CLEC16A: variants seen among roughly 807,000 people sequenced by gnomAD.
CLEC16A encodes protein CLEC16A.
CLEC16A carries 51 observed loss-of-function variants against 109.5 expected under a neutral mutation model. That is an observed-to-expected ratio of 0.47 (90% CI 0.37 to 0.59). The LOEUF is 0.59. CLEC16A is among the 20% of genes least tolerant of loss of function. The probability of loss-of-function intolerance (pLI) is 0.00; values close to 1 mark genes in which losing one functional copy is unlikely to be tolerated. For synonymous variants in CLEC16A, 673 were observed against 564.2 expected, an observed-to-expected ratio of 1.19 and a Z score of -2.73; for missense variants, 1,339 against 1,394.0, an observed-to-expected ratio of 0.96 and a Z score of 0.63.
intron 18 of CLEC16A, among the ~76,000 whole-genome samples, chr16:11,055,234 C>A (rs769227540): frequency 6.6e-6 from 1 of 152,176 alleles, no homozygotes; most frequent in Non-Finnish European, 1.5e-5. Flanking sequence ...TGGGTATCAA[C>A]TCACAGTCAG....
intron 22 of CLEC16A, among the ~76,000 whole-genome samples, chr16:11,162,735 C>G (rs8063318): frequency 0.66 from 100,092 of 152,138 alleles, 33,894 homozygotes; most frequent in African/African-American, 0.81. Flanking sequence ...ATTTCATCAT[C>G]TAGAGGGATT....
intron 19 of CLEC16A, among the ~76,000 whole-genome samples, chr16:11,096,874 AG>A (rs1159752519): frequency 1.7e-4 from 26 of 152,234 alleles, no homozygotes; most frequent in African/African-American, 6.0e-4. Context: ...TTCAATACAA[AG>A]GGAGGGACAT....
chr16:11,112,809 A>C (rs1003899171), intron 19 of CLEC16A, among the ~76,000 whole-genome samples: 1 of 152,234 alleles, frequency 6.6e-6, no homozygotes, highest in Non-Finnish European at 1.5e-5. Flanking sequence ...GAGGCATGCC[A>C]TACCTTCAGG....
At chr16:11,019,852 T>G (rs901629640) in intron 11 of CLEC16A, among the ~76,000 whole-genome samples, 4 of 152,224 alleles carry the variant, frequency 2.6e-5, no homozygotes, top group African/African-American at 7.2e-5. Flanking sequence ...ATGTCATATC[T>G]TCTCAGCTGC....
chr16:11,058,992 T>C (rs1410794204), intron 18 of CLEC16A, among the ~76,000 whole-genome samples: 1 of 152,234 alleles, frequency 6.6e-6, no homozygotes, highest in Admixed American at 6.5e-5. Context: ...TTGGGCTTTC[T>C]GTACTTGGAC....
chr16:11,007,874 A>G (rs1180351885), intron 11 of CLEC16A, among the ~76,000 whole-genome samples: 1 of 152,172 alleles, frequency 6.6e-6, no homozygotes, highest in Non-Finnish European at 1.5e-5. Context: ...CAGGCGCTGC[A>G]GTAGAGAGAT....
chr16:11,131,113 A>C (rs996592840), intron 22 of CLEC16A, among the ~76,000 whole-genome samples: 5 of 151,260 alleles, frequency 3.3e-5, no homozygotes, highest in Non-Finnish European at 7.4e-5. Context: ...TTCACGAGGG[A>C]TTGTGCGTGC....
At chr16:11,020,398 C>G (rs888207544) in intron 12 of CLEC16A, 73 bp downstream of exon 12, 1 of 1,480,636 alleles carries the variant, frequency 6.8e-7, no homozygotes, top group Non-Finnish European at 9.0e-7. Context: ...AGGTTGAGCC[C>G]TAGGGCCAGA....
At chr16:11,039,454 A>G (rs972314415) in intron 13 of CLEC16A, among the ~76,000 whole-genome samples, 47 of 152,216 alleles carry the variant, frequency 3.1e-4, no homozygotes, top group African/African-American at 1.0e-3. Flanking sequence ...TGGCACCAAC[A>G]GCAACCAGTC....
At chr16:11,093,842 G>A (rs1345340967) in intron 19 of CLEC16A, among the ~76,000 whole-genome samples, 3 of 152,292 alleles carry the variant, frequency 2.0e-5, no homozygotes, top group African/African-American at 7.2e-5. Context: ...CAGGGATGAG[G>A]TAGCAAGAAT....
At chr16:11,024,254 C>T (rs1328141806) in intron 12 of CLEC16A, 1 of 153,138 alleles carries the variant, frequency 6.5e-6, no homozygotes, top group East Asian at 1.9e-4. Context: ...TCACAATAAT[C>T]CTGCAAGGTT....
At chr16:11,060,258 T>C (rs1465786238) in intron 18 of CLEC16A, among the ~76,000 whole-genome samples, 1 of 152,092 alleles carries the variant, frequency 6.6e-6, no homozygotes, top group Non-Finnish European at 1.5e-5. Flanking sequence ...ACCTGCTAGG[T>C]GCGAGGTCTC....
intron 19 of CLEC16A, among the ~76,000 whole-genome samples, chr16:11,109,108 C>CAAA (rs33997945): frequency 3.1e-4 from 18 of 58,248 alleles, no homozygotes; most frequent in Non-Finnish European, 5.0e-4. Flanking sequence ...GAGACTGTCT[C>CAAA]AAAAAAAAAA....
At chr16:11,008,551 C>T (rs1179474429) in intron 11 of CLEC16A, among the ~76,000 whole-genome samples, 1 of 152,070 alleles carries the variant, frequency 6.6e-6, no homozygotes, top group Admixed American at 6.5e-5. Context: ...ACACCAGTGC[C>T]TCCCCACATA....
intron 11 of CLEC16A, among the ~76,000 whole-genome samples, chr16:11,017,277 C>T (rs1236682688): frequency 2.0e-5 from 3 of 152,138 alleles, no homozygotes; most frequent in Non-Finnish European, 1.5e-5. Context: ...CTACTCTGTG[C>T]CAGACACTGG....
intron 11 of CLEC16A, 109 bp from the exon 12 acceptor site, chr16:11,020,084 G>A: frequency 7.7e-7 from 1 of 1,295,596 alleles, no homozygotes; most frequent in Non-Finnish European, 1.0e-6. Context: ...ACATGTGCTT[G>A]ATGTGTTTGG....
chr16:10,957,337 G>A (rs1016243408), intron 1 of CLEC16A, among the ~76,000 whole-genome samples: 4 of 152,242 alleles, frequency 2.6e-5, no homozygotes, highest in Non-Finnish European at 4.4e-5. Context: ...CTGGCTGCAG[G>A]CCCCGTGTTA....
intron 22 of CLEC16A, among the ~76,000 whole-genome samples, chr16:11,161,212 A>G (rs1192894128): frequency 1.3e-5 from 2 of 152,338 alleles, no homozygotes; most frequent in African/African-American, 4.8e-5. Flanking sequence ...ACATCTTTGC[A>G]GTCAAATTTC....
At chr16:11,078,571 A>G (rs2049520037) in intron 19 of CLEC16A, among the ~76,000 whole-genome samples, 2 of 152,222 alleles carry the variant, frequency 1.3e-5, no homozygotes, top group East Asian at 1.9e-4. Context: ...CTGCCGTCCC[A>G]GTCACCCTCA....
Sources: allele counts gnomAD v4.1 joint callset (sites outside exome capture counted in the v4.1 genomes callset), GRCh38; gene constraint gnomAD v4.1.1; transcripts MANE v1.5; gene names NCBI Gene and HGNC (gene_info 2026-07-23, HGNC 2026-07-21).